Variants in ACVR2A observed in about 807,000 individuals in gnomAD.
The protein encoded by ACVR2A is activin receptor type-2A.
In ACVR2A, 7 loss-of-function variants were observed where a neutral mutation model predicts 61.4. The observed-to-expected ratio is 0.11, with a 90% CI of 0.06 to 0.21. The LOEUF (loss-of-function observed/expected upper bound fraction) is 0.21, where lower values mean the gene tolerates loss of function less well. Among genes scored for constraint, ACVR2A ranks in the 10% least tolerant of loss-of-function variants. ACVR2A has a pLI of 1.00. For missense variants in ACVR2A, 322 were observed against 621.7 expected (o/e 0.52, Z 5.13); for synonymous variants, 193 against 208.3 (o/e 0.93, Z 0.63).
chr2:147,927,497 T>TATA lies in ACVR2A; in HGVS notation c.*225_*227dup, dbSNP rs1687531294. On this transcript the variant is annotated 3_prime_UTR_variant, in exon 11 of 11. Transcript: ENST00000241416. ...AGACTAAGAGAAACCTTGCAAACTC[T>TATA]ATAAAGAAACTTTTGAAAAAGTGTA... 1 of 409,636 alleles carries TATA rather than the reference T, an allele frequency of 2.4e-6. No individual in the cohort carries two copies. The highest frequency in any genetic ancestry group is 2.1e-5 in the African/African-American group (1 of 47,962). The allele number at this position is 409,636 out of a possible 1,614,324, so 25.4% of individuals were successfully genotyped here.
chr2:147,906,447 A>G (rs1686989664), intron 4 of ACVR2A, among the ~76,000 whole-genome samples: 1 of 152,108 alleles, frequency 6.6e-6, no homozygotes, highest in South Asian at 2.1e-4. Context: ...GTAGCCTGGA[A>G]ATGAAGGGTA....
intron 1 of ACVR2A, among the ~76,000 whole-genome samples, chr2:147,871,348 C>A (rs1686011531): frequency 6.6e-6 from 1 of 151,970 alleles, no homozygotes; most frequent in Non-Finnish European, 1.5e-5. Flanking sequence ...CTTTATTGTG[C>A]ATTTAGCTCC....
chr2:147,921,156 C>T (rs1338804722), intron 8 of ACVR2A, among the ~76,000 whole-genome samples: 2 of 152,132 alleles, frequency 1.3e-5, no homozygotes, highest in Non-Finnish European at 1.5e-5. Flanking sequence ...GGCTCAGCTT[C>T]CTGAGTAGCT....
chr2:147,859,858 T>C (rs897967313), intron 1 of ACVR2A, among the ~76,000 whole-genome samples: 2 of 152,168 alleles, frequency 1.3e-5, no homozygotes, highest in African/African-American at 2.4e-5. Flanking sequence ...ACAACTGAGA[T>C]TGAAACAGAA....
chr2:147,922,262 A>C (rs957369907), intron 8 of ACVR2A, among the ~76,000 whole-genome samples: 1 of 152,108 alleles, frequency 6.6e-6, no homozygotes, highest in Non-Finnish European at 1.5e-5. Context: ...CTTTTAGTCT[A>C]GAGTAGAGAT....
At chr2:147,876,578 C>T (rs1172925807) in intron 1 of ACVR2A, among the ~76,000 whole-genome samples, 3 of 152,120 alleles carry the variant, frequency 2.0e-5, no homozygotes, top group Non-Finnish European at 4.4e-5. Flanking sequence ...TTCTCATCAG[C>T]CTATCACTGT....
chr2:147,926,004 ATTTAT>A (rs1687491430), intron 9 of ACVR2A, 22 bp from the exon 10 acceptor site: 1 of 1,591,096 alleles, frequency 6.3e-7, no homozygotes, highest in Non-Finnish European at 8.5e-7. Context: ...AATGAAAATG[ATTTAT>A]TTTACTTTTC....
chr2:147,879,622 CAT>C (rs1241253355), intron 1 of ACVR2A, among the ~76,000 whole-genome samples: 9 of 152,146 alleles, frequency 5.9e-5, no homozygotes, highest in Admixed American at 3.9e-4. Context: ...CCACTTGTCT[CAT>C]GTGAGTTGAG....
intron 1 of ACVR2A, among the ~76,000 whole-genome samples, chr2:147,859,489 CAAAAA>C (rs74267449): frequency 2.2e-5 from 2 of 91,484 alleles, no homozygotes; most frequent in African/African-American, 8.1e-5. Context: ...TCACCACAGA[CAAAAA>C]AAAAAAAAAG....
chr2:147,876,989 C>T (rs559863742), intron 1 of ACVR2A, among the ~76,000 whole-genome samples: 1 of 152,084 alleles, frequency 6.6e-6, no homozygotes, highest in Non-Finnish European at 1.5e-5. Flanking sequence ...TAACTGGTAG[C>T]CTTATTAGTA....
chr2:147,888,850 TAGAGTGTTG>T (rs1686508994), intron 1 of ACVR2A, among the ~76,000 whole-genome samples: 1 of 152,130 alleles, frequency 6.6e-6, no homozygotes, highest in Non-Finnish European at 1.5e-5. Flanking sequence ...AGTACTGTGT[TAGAGTGTTG>T]AGAGTGAAAT....
At chr2:147,889,486 T>A (rs1488398327) in intron 1 of ACVR2A, among the ~76,000 whole-genome samples, 1 of 152,184 alleles carries the variant, frequency 6.6e-6, no homozygotes, top group Non-Finnish European at 1.5e-5. Context: ...GGCTCACGCC[T>A]GTAATCCCAG....
intron 1 of ACVR2A, among the ~76,000 whole-genome samples, chr2:147,862,830 A>C (rs915730958): frequency 6.6e-6 from 1 of 152,168 alleles, no homozygotes; most frequent in Non-Finnish European, 1.5e-5. Context: ...TTTTCACATT[A>C]CTACATTACT....
At chr2:147,862,675 C>T (rs780715011) in intron 1 of ACVR2A, among the ~76,000 whole-genome samples, 22 of 151,684 alleles carry the variant, frequency 1.5e-4, no homozygotes, top group Middle Eastern at 6.8e-3. Context: ...ACCCATGAGA[C>T]GGATGTTGCA....
chr2:147,877,059 A>G (rs1434576650), intron 1 of ACVR2A, among the ~76,000 whole-genome samples: 2 of 152,082 alleles, frequency 1.3e-5, no homozygotes, highest in African/African-American at 4.8e-5. Flanking sequence ...GCAGGATTTT[A>G]TGCTCTGGGT....
chr2:147,923,795 T>C (rs955709489), intron 9 of ACVR2A, among the ~76,000 whole-genome samples: 4 of 152,078 alleles, frequency 2.6e-5, no homozygotes, highest in African/African-American at 4.8e-5. Context: ...CAGATGTAAA[T>C]GAGCTTGATC....
chr2:147,847,025 G>A (rs1043965045), intron 1 of ACVR2A, among the ~76,000 whole-genome samples: 1 of 151,860 alleles, frequency 6.6e-6, no homozygotes, highest in Admixed American at 6.6e-5. Context: ...TCTTCTGCTT[G>A]GTTTGGTAGT....
chr2:147,856,440 T>G (rs1451765707), intron 1 of ACVR2A, among the ~76,000 whole-genome samples: 1 of 152,188 alleles, frequency 6.6e-6, no homozygotes, highest in East Asian at 1.9e-4. Flanking sequence ...AGTTTTACCC[T>G]ATAAATACTA....
At chr2:147,899,707 A>G (rs749917861) in intron 3 of ACVR2A, 37 bp from the exon 4 acceptor site, 37 of 1,608,560 alleles carry the variant, frequency 2.3e-5, no homozygotes, top group Non-Finnish European at 3.1e-5. Context: ...AATTTTGTAG[A>G]CCAAATCTGA....
Sources: gnomAD v4.1 joint callset for allele counts (sites outside exome capture counted in the v4.1 genomes callset) on GRCh38, gnomAD v4.1.1 for gene constraint, MANE v1.5 for transcripts, NCBI Gene and HGNC (gene_info 2026-07-23, HGNC 2026-07-21) for gene names.